VPS26B: variants seen among roughly 807,000 people sequenced by gnomAD.
VPS26B encodes the protein vacuolar protein sorting-associated protein 26B.
Under a neutral mutation model 33.3 loss-of-function variants are expected in VPS26B, and 10 were observed. That is an observed-to-expected ratio of 0.30 (90% confidence interval 0.19 to 0.51). The LOEUF is 0.51. Among genes scored for constraint, VPS26B ranks in the 20% least tolerant of loss-of-function variants. The probability of loss-of-function intolerance (pLI) is 0.98; values close to 1 mark genes in which losing one functional copy is unlikely to be tolerated. For missense variants in VPS26B, 317 were observed against 452.7 expected, an observed-to-expected ratio of 0.70 and a Z score of 2.72; for synonymous variants, 190 against 176.9, an observed-to-expected ratio of 1.07 and a Z score of -0.59.
At position 134,225,322 on chromosome 11, in the gene VPS26B, A is replaced by G; in HGVS notation, c.200A>G (p.Lys67Arg). Residue 67 changes from lysine (K) to arginine (R), a missense_variant, in exon 1 of 6, where the codon AAG (lysine) becomes AGG (arginine). Lys to Arg is a conservative substitution (Grantham distance 26, BLOSUM62 2). Transcript: ENST00000281187. Reference sequence around the variant, plus strand: ...AAGCGGCTGGAGCACCAGGGCATCAAGATCGAGTTCATCGGGCAGATCGGT... The same window carrying G: ...AAGCGGCTGGAGCACCAGGGCATCAGGATCGAGTTCATCGGGCAGATCGGT... ...PNKRLEHQGI[K>R]IEFIGQIELY... 1 of 1,613,944 alleles carries G rather than the reference A, an allele frequency of 6.2e-7. No homozygotes were observed. The highest frequency in any genetic ancestry group is 8.5e-7 in the Non-Finnish European group (1 of 1,179,914).
At chr11:134,231,176 G>A (rs943163217) in intron 1 of VPS26B, among the ~76,000 whole-genome samples, 1 of 152,044 alleles carries the variant, frequency 6.6e-6, no homozygotes, top group Non-Finnish European at 1.5e-5. Flanking sequence ...ATGCGGAGGA[G>A]GGCAGACAGG....
chr11:134,235,092 C>T (rs1175951343), intron 2 of VPS26B, 39 bp downstream of exon 2: 7 of 1,593,338 alleles, frequency 4.4e-6, no homozygotes. Context: ...TACCCTAGAA[C>T]CTGCCCCATG....
intron 3 of VPS26B, among the ~76,000 whole-genome samples, chr11:134,242,282 C>G (rs143990440): frequency 2.0e-3 from 304 of 152,304 alleles, no homozygotes; most frequent in Non-Finnish European, 3.0e-3. Context: ...ACACTCCAGC[C>G]TGGGGACTAG....
chr11:134,232,829 G>T (rs769362797), intron 1 of VPS26B, among the ~76,000 whole-genome samples: 4 of 152,130 alleles, frequency 2.6e-5, no homozygotes, highest in African/African-American at 9.7e-5. Context: ...GAGGTACCAG[G>T]TTCCCAAGTC....
At chr11:134,239,480 TTTAAC>T (rs1432885598) in intron 2 of VPS26B, among the ~76,000 whole-genome samples, 1 of 152,242 alleles carries the variant, frequency 6.6e-6, no homozygotes, top group Non-Finnish European at 1.5e-5. Context: ...AGTCCCCTCT[TTTAAC>T]TTAAGAAAGG....
At position 134,243,103 on chromosome 11, in the gene VPS26B, A is replaced by G. The variant is rs1201450683; in HGVS notation, c.546-16A>G. The G allele has an allele frequency of 1.2e-6, 2 of 1,613,866 alleles. No homozygotes were observed. Among genetic ancestry groups the G allele is most frequent in the African/African-American group, 1.3e-5 (1 of 75,052 alleles). On this transcript the variant is annotated splice_polypyrimidine_tract_variant and intron_variant, in intron 3 of 5. Coordinates refer to ENST00000281187, the MANE Select transcript of VPS26B (RefSeq NM_052875.5). ...ACAGTACCAACATCTTACTTTCTGT[A>G]CTTTCTGTTCCCCAGATACCACTTG...
intron 2 of VPS26B, chr11:134,236,485 G>A (rs1938633737): frequency 6.6e-6 from 1 of 152,120 alleles, no homozygotes; most frequent in Non-Finnish European, 1.5e-5. Context: ...ATGGAAAACA[G>A]GATCTCGAAC....
At chr11:134,225,540 C>T in intron 1 of VPS26B, 195 bp downstream of exon 1, 1 of 623,864 alleles carries the variant, frequency 1.6e-6, no homozygotes, top group Non-Finnish European at 2.8e-6. Context: ...AAAGTGACAG[C>T]GCGCTGCCAG....
chr11:134,227,410 C>G (rs1041353266), intron 1 of VPS26B, among the ~76,000 whole-genome samples: 2 of 152,182 alleles, frequency 1.3e-5, no homozygotes, highest in African/African-American at 4.8e-5. Context: ...ATGGTGGTAC[C>G]TTACCAGTAT....
Position 134,243,140 on chromosome 11 carries a change from T to C in VPS26B, c.567T>C (p.Ile189=), listed in dbSNP as rs1354817238. 1 of 1,614,074 alleles carries C rather than the reference T, an allele frequency of 6.2e-7. No homozygotes were observed. Among genetic ancestry groups the C allele is most frequent in the African/African-American group, 1.3e-5 (1 of 74,924 alleles). The change falls in exon 4 of 6, where the codon ATT becomes ATC. Residue 189 remains isoleucine, a synonymous_variant. Transcript: ENST00000281187. ...CCAGATACCACTTGAAAGATGTCAT[T>C]GTAGGGAAGATATACTTCCTGCTGG... ...NKSKYHLKDV[I]VGKIYFLLVR...
chr11:134,229,773 G>A (rs1347038015), intron 1 of VPS26B, among the ~76,000 whole-genome samples: 1 of 152,066 alleles, frequency 6.6e-6, no homozygotes. Context: ...TTTTCTGTGA[G>A]GATGAAGTTT....
At position 134,240,071 on chromosome 11, in the gene VPS26B, C is replaced by T; in HGVS notation, c.461C>T (p.Thr154Ile). The T allele has an allele frequency of 1.2e-6, 2 of 1,614,218 alleles. No homozygotes were observed. The highest frequency in any genetic ancestry group is 8.5e-7 in the Non-Finnish European group (1 of 1,180,040). The change falls in exon 3 of 6, where the codon ACA (threonine) becomes ATA (isoleucine). Residue 154 changes from threonine (T) to isoleucine (I), a missense_variant. By Grantham distance (89) the Thr-to-Ile change is moderately conservative. Transcript: ENST00000281187. This position sits in a 1 kb window ranked among gnomAD's most constrained non-coding sequence, Gnocchi z 4.4. ...GACATTGTAGTTCACACACTCAGCA[C>T]ATACCCAGAGCTGAACTCTTCCATC... is the stretch of plus-strand genomic sequence containing the variant. ...EMDIVVHTLS[T>I]YPELNSSIKM... is the part of the protein sequence containing the mutation.
intron 1 of VPS26B, among the ~76,000 whole-genome samples, chr11:134,232,668 C>T (rs1245446301): frequency 6.6e-6 from 1 of 152,196 alleles, no homozygotes; most frequent in Non-Finnish European, 1.5e-5. Flanking sequence ...CCTGATGTTG[C>T]CTTTGGGCTG....
At chr11:134,238,972 T>G (rs1019882832) in intron 2 of VPS26B, among the ~76,000 whole-genome samples, 4 of 152,208 alleles carry the variant, frequency 2.6e-5, no homozygotes, top group Non-Finnish European at 4.4e-5. Context: ...AAAATACAAT[T>G]TATTATATTA....
chr11:134,232,941 T>G (rs920800268), intron 1 of VPS26B, among the ~76,000 whole-genome samples: 1 of 152,172 alleles, frequency 6.6e-6, no homozygotes, highest in Non-Finnish European at 1.5e-5. Context: ...GCGGCTCCGC[T>G]TCTGCCTGTC....
chr11:134,241,304 A>G (rs1938721337), intron 3 of VPS26B, among the ~76,000 whole-genome samples: 1 of 152,176 alleles, frequency 6.6e-6, no homozygotes, highest in African/African-American at 2.4e-5. Flanking sequence ...AAGGGTCAGG[A>G]ACAGAACTTT....
chr11:134,240,052 G>T lies in VPS26B; in HGVS notation c.442G>T (p.Val148Leu). 6.2e-7 allele frequency: 1 copy of T among 1,614,208 alleles called. No homozygotes were observed. The highest frequency in any genetic ancestry group is 8.5e-7 in the Non-Finnish European group (1 of 1,180,040). The change falls in exon 3 of 6, where the codon GTA becomes TTA. Residue 148 changes from valine to leucine, a missense_variant. By Grantham distance (32) the Val-to-Leu change is conservative. Transcript: ENST00000281187. The surrounding 1 kb of genome is among the most constrained non-coding windows in gnomAD (Gnocchi z 4.4). Reference protein sequence around the residue: ...LNDVVKEMDIVVHTLSTYPEL... With the variant: ...LNDVVKEMDILVHTLSTYPEL... ...TGATGTTGTCAAAGAGATGGACATTGTAGTTCACACACTCAGCACATACCC... is the reference window on the plus strand; with the variant it reads ...TGATGTTGTCAAAGAGATGGACATTTTAGTTCACACACTCAGCACATACCC...
At chr11:134,236,254 C>G (rs1389890648) in intron 2 of VPS26B, 2 of 152,064 alleles carry the variant, frequency 1.3e-5, no homozygotes, top group African/African-American at 2.4e-5. Flanking sequence ...ATAATCGCAC[C>G]CAGAGAATGC....
At chr11:134,226,310 A>G (rs182578540) in intron 1 of VPS26B, among the ~76,000 whole-genome samples, 110 of 152,194 alleles carry the variant, frequency 7.2e-4, no homozygotes, top group African/African-American at 2.5e-3. Context: ...GGGGGCTAAG[A>G]TGGGAGGATT....
Sources: gnomAD v4.1 joint callset for allele counts (sites outside exome capture counted in the v4.1 genomes callset) on GRCh38, gnomAD v4.1.1 for gene constraint, Gnocchi (gnomAD v3.1) non-coding constraint, MANE v1.5 for transcripts, NCBI Gene and HGNC (gene_info 2026-07-23, HGNC 2026-07-21) for gene names.